The following TMEM260 variants were observed in gnomAD, a reference collection of about 807,000 sequenced individuals.
TMEM260 encodes the protein protein O-mannosyl-transferase TMEM260.
TMEM260 carries 82 observed loss-of-function variants against 88.9 expected under a neutral mutation model. The observed-to-expected ratio is 0.92, with a 90% CI of 0.77 to 1.11. TMEM260 has a LOEUF of 1.11. TMEM260 is among the 50% of genes least tolerant of loss of function. The pLI is 0.00. For synonymous variants in TMEM260, 314 were observed against 309.3 expected, an observed-to-expected ratio of 1.02 and a Z score of -0.16; for missense variants, 902 against 853.4, an observed-to-expected ratio of 1.06 and a Z score of -0.71.
At chr14:56,581,144 A>C (rs930660941) in intron 1 of TMEM260, among the ~76,000 whole-genome samples, 1 of 151,906 alleles carries the variant, frequency 6.6e-6, no homozygotes, top group African/African-American at 2.4e-5. Flanking sequence ...GATGAAGGAC[A>C]CCTCTCTGTC....
At chr14:56,618,837 A>G in intron 10 of TMEM260, 74 bp downstream of exon 10, 1 of 1,404,030 alleles carries the variant, frequency 7.1e-7, no homozygotes, top group South Asian at 1.3e-5. Context: ...CTAACACTTT[A>G]TTTCATTGTT....
Position 56,585,455 on chromosome 14 carries a change from A to G in TMEM260, c.193-306A>G, listed in dbSNP as rs557775652. On this transcript the variant is annotated intron_variant, in intron 2 of 15. Transcript: ENST00000261556. ...ATATTTCAGAACCTGCTTTTTTTCA[A>G]TAGCCTTTTAAATGACCCTAATGTA... Among the ~76,000 whole-genome samples, 10 of 152,186 alleles carry G rather than the reference A, an allele frequency of 6.6e-5. 1 individual carries two copies. In the Middle Eastern group the frequency reaches 0.01, roughly 155 times the overall value.
In TMEM260 at chr14:56,615,944, T is replaced by C; in HGVS notation, c.858T>C (p.Leu286=). The part of the protein sequence containing the change: ...EIGSSMSEIL[L]SQVTNMRTEL... ...CAATAAGTTAGATTGTTTTTTGCAG[T>C]TCTCAAGTAACAAATATGAGGACCG... Residue 286 remains leucine, a splice_region_variant and synonymous_variant, in exon 8 of 16, where the codon CTT becomes CTC. Transcript: ENST00000261556. 1.9e-6 allele frequency: 3 copies of C among 1,610,824 alleles called. No individual in the cohort carries two copies. The South Asian group carries it at 3.3e-5, about 18-fold the overall frequency.
intron 10 of TMEM260, among the ~76,000 whole-genome samples, chr14:56,620,385 G>C (rs944400651): frequency 2.0e-5 from 3 of 152,190 alleles, no homozygotes; most frequent in African/African-American, 7.2e-5. Flanking sequence ...AGAAGGGGCT[G>C]CGTGTCCTGG....
intron 5 of TMEM260, among the ~76,000 whole-genome samples, chr14:56,606,801 A>G (rs1031682328): frequency 5.3e-5 from 8 of 152,218 alleles, no homozygotes; most frequent in Admixed American, 1.3e-4. Context: ...AGGCTGGGGC[A>G]GGAGAATCGC....
intron 15 of TMEM260, 54 bp downstream of exon 15, chr14:56,636,652 TGATTGTTCAG>T (rs1439292310): frequency 6.8e-7 from 1 of 1,478,510 alleles, no homozygotes; most frequent in Non-Finnish European, 9.5e-7. Flanking sequence ...AAGGTGATGG[TGATTGTTCAG>T]AATGGATAGA....
rs1220663980 is a variant in TMEM260 at position 56,648,720 on chromosome 14, A to G, written c.*1223A>G. 1 of 152,660 alleles carries G rather than the reference A, an allele frequency of 6.6e-6. No homozygotes were observed. Among genetic ancestry groups the G allele is most frequent in the Admixed American group, 6.5e-5 (1 of 15,284 alleles). The allele number at this position is 152,660 out of a possible 1,614,324, so 9.5% of individuals were successfully genotyped here. Reference sequence around the variant, plus strand: ...TCCCTTTCATACTACGACCATAATTAAAACCACTAATTCTCTTTTAAAATG... The same window carrying G: ...TCCCTTTCATACTACGACCATAATTGAAACCACTAATTCTCTTTTAAAATG... On this transcript the variant is annotated 3_prime_UTR_variant, in exon 16 of 16. Coordinates refer to ENST00000261556, the MANE Select transcript of TMEM260 (RefSeq NM_017799.4).
chr14:56,642,164 G>GCTC (rs1332406475), intron 15 of TMEM260, among the ~76,000 whole-genome samples: 11 of 152,264 alleles, frequency 7.2e-5, no homozygotes, highest in African/African-American at 2.6e-4. Context: ...GGACCTAATA[G>GCTC]AGATCTACAG....
intron 2 of TMEM260, 46 bp from the exon 3 acceptor site, chr14:56,585,715 C>G: frequency 6.3e-7 from 1 of 1,589,550 alleles, no homozygotes; most frequent in African/African-American, 1.4e-5. Flanking sequence ...TGGGACTCTT[C>G]CTTTCCTAGA....
chr14:56,583,773 G>A (rs939341879), intron 1 of TMEM260, among the ~76,000 whole-genome samples: 7 of 152,104 alleles, frequency 4.6e-5, no homozygotes, highest in African/African-American at 1.7e-4. Flanking sequence ...TCCAGGGTGA[G>A]AAAATGAGTG....
intron 8 of TMEM260, 113 bp from the exon 9 acceptor site, chr14:56,617,070 T>C (rs1887634448): frequency 1.8e-6 from 1 of 546,316 alleles, no homozygotes; most frequent in East Asian, 3.4e-5. Flanking sequence ...CTCTCTTTGC[T>C]CCTAGTTAAA....
chr14:56,654,346 A>C (rs1009748138), downstream of TMEM260, among the ~76,000 whole-genome samples: 3 of 152,200 alleles, frequency 2.0e-5, no homozygotes, highest in African/African-American at 7.2e-5. Context: ...AAAATGTTGC[A>C]CTAGTTTATA....
Position 56,585,809 on chromosome 14 carries a change from G to A in TMEM260, c.241G>A (p.Ala81Thr). Reference protein sequence around the residue: ...YPLFTLVAKLAITLFPFGSIA... With the variant: ...YPLFTLVAKLTITLFPFGSIA... ...TTTGTTCACGCTGGTGGCTAAACTGGCAATTACACTGTTTCCTTTTGGTTC... is the reference window on the plus strand; with the variant it reads ...TTTGTTCACGCTGGTGGCTAAACTGACAATTACACTGTTTCCTTTTGGTTC... Residue 81 changes from alanine (A) to threonine (T), a missense_variant, in exon 3 of 16, where the codon GCA (alanine) becomes ACA (threonine). Coordinates refer to ENST00000261556, the MANE Select transcript of TMEM260 (RefSeq NM_017799.4). The A allele has an allele frequency of 1.9e-6, 3 of 1,613,056 alleles. No individual in the cohort carries two copies. Among genetic ancestry groups the A allele is most frequent in the Non-Finnish European group, 2.5e-6 (3 of 1,179,544 alleles).
At chr14:56,642,823 G>A (rs943486652) in intron 15 of TMEM260, among the ~76,000 whole-genome samples, 1 of 152,020 alleles carries the variant, frequency 6.6e-6, no homozygotes, top group Non-Finnish European at 1.5e-5. Flanking sequence ...AATGACAAAG[G>A]GGATATCACC....
At chr14:56,653,742 A>AC (rs1890249129), downstream of TMEM260, among the ~76,000 whole-genome samples, 2 of 65,802 alleles carry the variant, frequency 3.0e-5, 1 homozygote, top group Non-Finnish European at 8.3e-5. Context: ...TCTCCAAAAC[A>AC]AAAAAAAAAA....
chr14:56,610,963 C>CT (rs199955365), intron 6 of TMEM260, among the ~76,000 whole-genome samples: 2,572 of 142,370 alleles, frequency 0.018, 114 homozygotes, highest in African/African-American at 0.065. Flanking sequence ...TTCTTTCTTT[C>CT]TTTCTTTTTT....
intron 3 of TMEM260, among the ~76,000 whole-genome samples, chr14:56,602,813 A>G (rs1223148326): frequency 6.6e-6 from 1 of 152,178 alleles, no homozygotes; most frequent in South Asian, 2.1e-4. Flanking sequence ...TTATTTAATC[A>G]TTTAAAAATA....
At chr14:56,654,208 C>G (rs1453577973), downstream of TMEM260, among the ~76,000 whole-genome samples, 2 of 152,110 alleles carry the variant, frequency 1.3e-5, no homozygotes, top group Non-Finnish European at 2.9e-5. Context: ...CTTGCCCTTT[C>G]TGGACTTCGG....
At chr14:56,635,433 CCTCATGAAG>C (rs2139633076) in intron 14 of TMEM260, among the ~76,000 whole-genome samples, 1 of 152,244 alleles carries the variant, frequency 6.6e-6, no homozygotes, top group Admixed American at 6.5e-5. Context: ...CAGTTCCTAC[CCTCATGAAG>C]CTCATAGTCT....
Sources: allele counts gnomAD v4.1 joint callset (sites outside exome capture counted in the v4.1 genomes callset), GRCh38; gene constraint gnomAD v4.1.1; transcripts MANE v1.5; gene names NCBI Gene and HGNC (gene_info 2026-07-23, HGNC 2026-07-21).